The following CKS1B variants were observed in gnomAD, a reference collection of about 807,000 sequenced individuals.
CKS1B encodes the protein CDC28 protein kinase regulatory subunit 1B.
A neutral mutation model predicts 12.2 loss-of-function variants in CKS1B; 5 were observed. The observed-to-expected ratio is 0.41, with a 90% CI of 0.21 to 0.86. The LOEUF (loss-of-function observed/expected upper bound fraction) is 0.86, where lower values mean the gene tolerates loss of function less well. CKS1B is among the 40% of genes least tolerant of loss of function. CKS1B has a pLI of 0.32. For missense variants in CKS1B, 53 were observed against 99.9 expected, an observed-to-expected ratio of 0.53 and a Z score of 2.00; for synonymous variants, 24 against 34.4, an observed-to-expected ratio of 0.70 and a Z score of 1.06.
Position 154,978,861 on chromosome 1 carries a change from C to A in CKS1B, c.*84C>A. 3.7e-6 allele frequency: 3 copies of A among 817,652 alleles called. No individual in the cohort carries two copies. Among genetic ancestry groups the A allele is most frequent in the Non-Finnish European group, 4.1e-6 (2 of 485,410 alleles). The allele number at this position is 817,652 out of a possible 1,614,324, so 50.6% of individuals were successfully genotyped here. On this transcript the variant is annotated 3_prime_UTR_variant, in exon 3 of 3. Transcript: ENST00000308987. ...CTTTCTGATAACATTATTATGTTGC[C>A]TTCTTGTTTCTCACTTTGATATTTA...
chr1:154,976,863 T>A (rs1222589033), intron 1 of CKS1B, among the ~76,000 whole-genome samples: 1 of 152,218 alleles, frequency 6.6e-6, no homozygotes, highest in East Asian at 1.9e-4. Flanking sequence ...TACATTTTCA[T>A]TGAGCATGAC....
intron 1 of CKS1B, chr1:154,975,096 C>T: frequency 6.0e-6 from 4 of 672,216 alleles, no homozygotes; most frequent in South Asian, 1.7e-5. Flanking sequence ...ATTCTCTGAA[C>T]TTTATCGGGC....
Sources: allele counts gnomAD v4.1 joint callset (sites outside exome capture counted in the v4.1 genomes callset), GRCh38; gene constraint gnomAD v4.1.1; transcripts MANE v1.5; gene names NCBI Gene and HGNC (gene_info 2026-07-23, HGNC 2026-07-21).